PLPP3: variants seen among roughly 807,000 people sequenced by gnomAD.
PLPP3 encodes PAP2 beta.
In PLPP3, 6 loss-of-function variants were observed where a neutral mutation model predicts 29.6. That is an observed-to-expected ratio of 0.20 (90% CI 0.11 to 0.40). The LOEUF is 0.40. PLPP3 is among the 10% of genes least tolerant of loss of function. The pLI, the probability that PLPP3 is intolerant of heterozygous loss-of-function variation, is 1.00. For missense variants in PLPP3, 308 were observed against 407.7 expected (o/e 0.76, Z 2.11); for synonymous variants, 152 against 159.7 (o/e 0.95, Z 0.36).
At chr1:56,501,304 C>T (rs948102241) in intron 5 of PLPP3, among the ~76,000 whole-genome samples, 5 of 152,058 alleles carry the variant, frequency 3.3e-5, no homozygotes, top group Non-Finnish European at 7.4e-5. Context: ...CATAAAAACT[C>T]TTAAAATTTT....
chr1:56,542,218 G>C (rs577803775), intron 1 of PLPP3, among the ~76,000 whole-genome samples: 1 of 152,154 alleles, frequency 6.6e-6, no homozygotes, highest in South Asian at 2.1e-4. Flanking sequence ...ACTAACACTG[G>C]GGCAGGTTGG....
rs1162311607 is a variant in PLPP3, at chr1:56,579,027, G to T, written c.-11C>A. The stretch of plus-strand genomic sequence containing the variant: ...CTTGTAGTTTTGCATGGCGCTGGCT[G>T]CGGCGCGAGCCTCCCGCCCCGCGAA... On this transcript the variant is annotated 5_prime_UTR_variant, in exon 1 of 6. Coordinates refer to ENST00000371250, the MANE Select transcript of PLPP3 (RefSeq NM_003713.5). 1 of 1,584,692 alleles carries T rather than the reference G, an allele frequency of 6.3e-7. No individual in the cohort carries two copies. Among genetic ancestry groups the T allele is most frequent in the Non-Finnish European group, 8.6e-7 (1 of 1,168,860 alleles).
At chr1:56,553,509 A>C (rs1165903027) in intron 1 of PLPP3, among the ~76,000 whole-genome samples, 1 of 152,090 alleles carries the variant, frequency 6.6e-6, no homozygotes, top group African/African-American at 2.4e-5. Context: ...CAGCCATGAC[A>C]CCACACCAGG....
Position 56,524,255 on chromosome 1 carries a change from C to T in PLPP3, c.575+22G>A. The stretch of plus-strand genomic sequence containing the variant: ...TGTATGAAAGGGGTCCAGGCTCTGG[C>T]CATGCGGAGGTGGTGTCTCACCTGG... On this transcript the variant is annotated intron_variant, in intron 3 of 5. Transcript: ENST00000371250. This position sits in a 1 kb window ranked among gnomAD's most constrained non-coding sequence, Gnocchi z 4.3. 6.2e-7 allele frequency: 1 copy of T among 1,611,798 alleles called. No homozygotes were observed. The highest frequency in any genetic ancestry group is 2.2e-5 in the East Asian group (1 of 44,854).
rs776843470 is a variant in PLPP3 at position 56,538,959 on chromosome 1, C to CAAAAAAAAAACAAACAAAA, written c.140-1848_140-1847insTTTTGTTTGTTTTTTTTTT. The stretch of plus-strand genomic sequence containing the variant: ...AAATAAATACAAGACTTCTGGGCTG[C>CAAAAAAAAAACAAACAAAA]AAAAAAAAAAAACACAGTGGATAAT... On this transcript the variant is annotated intron_variant, in intron 1 of 5. Transcript: ENST00000371250. 6.2e-5 allele frequency: 6 copies of CAAAAAAAAAACAAACAAAA among 96,526 alleles called. No individual in the cohort carries two copies. In the East Asian group the frequency reaches 7.4e-4, roughly 12 times the overall value. 6.0% of individuals were successfully genotyped at this position (96,526 alleles called of 1,614,324 possible).
chr1:56,570,807 CT>C (rs1368846368), intron 1 of PLPP3, among the ~76,000 whole-genome samples: 3 of 150,382 alleles, frequency 2.0e-5, no homozygotes, highest in Admixed American at 6.6e-5. Flanking sequence ...TTTTTCTCCC[CT>C]GAGATACATC....
intron 4 of PLPP3, 85 bp downstream of exon 4, chr1:56,523,738 C>G: frequency 7.1e-7 from 1 of 1,408,636 alleles, no homozygotes; most frequent in Non-Finnish European, 1.0e-6. Flanking sequence ...TGATGGCATG[C>G]CCCTAAACTA....
At chr1:56,549,996 A>G (rs61772626) in intron 1 of PLPP3, among the ~76,000 whole-genome samples, 16,229 of 152,256 alleles carry the variant, frequency 0.11, 985 homozygotes, top group Middle Eastern at 0.15. Context: ...TACAAAGACT[A>G]GAAATGAAGA....
chr1:56,535,866 G>A (rs959164187), intron 2 of PLPP3, among the ~76,000 whole-genome samples: 1 of 152,124 alleles, frequency 6.6e-6, no homozygotes, highest in Non-Finnish European at 1.5e-5. Flanking sequence ...AGGCATTATG[G>A]CATTCATTTG....
chr1:56,506,851 C>T (rs757274855), intron 5 of PLPP3, among the ~76,000 whole-genome samples: 10 of 152,094 alleles, frequency 6.6e-5, no homozygotes, highest in East Asian at 1.9e-4. Context: ...GTTCTGAGTA[C>T]GATTGGGTCT....
At chr1:56,547,959 A>T (rs898995370) in intron 1 of PLPP3, among the ~76,000 whole-genome samples, 2 of 152,238 alleles carry the variant, frequency 1.3e-5, no homozygotes, top group African/African-American at 4.8e-5. Context: ...AGGATGAAAT[A>T]TCAGAAGGCA....
In PLPP3 at chr1:56,529,213, C is replaced by T. The variant is rs767677458; in HGVS notation, c.298-4659G>A. On this transcript the variant is annotated intron_variant, in intron 2 of 5. Coordinates refer to ENST00000371250, the MANE Select transcript of PLPP3 (RefSeq NM_003713.5). Reference sequence around the variant, plus strand: ...GAAGGCCAGAGAGGGCAGTGAATCACTCTGATAAAAATGAGACAGCAAGAA... The same window carrying T: ...GAAGGCCAGAGAGGGCAGTGAATCATTCTGATAAAAATGAGACAGCAAGAA... Among the ~76,000 whole-genome samples, 5 of 151,986 alleles carry T rather than the reference C, an allele frequency of 3.3e-5. No homozygotes were observed. The South Asian group carries it at 6.2e-4, about 19-fold the overall frequency.
intron 5 of PLPP3, among the ~76,000 whole-genome samples, chr1:56,505,675 A>G (rs1313855652): frequency 6.6e-6 from 1 of 152,142 alleles, no homozygotes; most frequent in Non-Finnish European, 1.5e-5. Context: ...TCTTTTCTCT[A>G]GCTTACTTTA....
intron 1 of PLPP3, among the ~76,000 whole-genome samples, chr1:56,548,471 A>C (rs970131406): frequency 1.3e-5 from 2 of 152,210 alleles, no homozygotes; most frequent in African/African-American, 4.8e-5. Context: ...ATGGCATTAC[A>C]AAATACCCAA....
In PLPP3 at chr1:56,557,040, G is replaced by GAAAGAAAGAAAGAA. The variant is rs1329774312; in HGVS notation, c.140-19929_140-19928insTTCTTTCTTTCTTT. On this transcript the variant is annotated intron_variant, in intron 1 of 5. Transcript: ENST00000371250. ...AGAGAGAGAGAAAGAGAGAGAGAGA[G>GAAAGAAAGAAAGAA]AGAGAGAGAGAGAGAGAGAAAGAAA... 1.5e-3 allele frequency among the ~76,000 whole-genome samples: 15 copies of GAAAGAAAGAAAGAA among 10,294 alleles called. 2 individuals are homozygous for GAAAGAAAGAAAGAA. Among genetic ancestry groups the GAAAGAAAGAAAGAA allele is most frequent in the African/African-American group, 1.6e-3 (9 of 5,578 alleles). 6.8% of individuals were successfully genotyped at this position (10,294 alleles called of 152,430 possible).
chr1:56,554,838 C>G (rs1404327557), intron 1 of PLPP3, among the ~76,000 whole-genome samples: 1 of 152,100 alleles, frequency 6.6e-6, no homozygotes. Flanking sequence ...TCTTAGCACT[C>G]CACATTGGTT....
At chr1:56,499,715 T>C (rs1266550172) in intron 5 of PLPP3, among the ~76,000 whole-genome samples, 3 of 152,210 alleles carry the variant, frequency 2.0e-5, no homozygotes, top group Admixed American at 1.3e-4. Flanking sequence ...ACACTTTTTT[T>C]TGGGATCACG....
In PLPP3 at chr1:56,524,481, G is replaced by A; in HGVS notation, c.371C>T (p.Ala124Val). The A allele has an allele frequency of 6.2e-7, 1 of 1,614,050 alleles. No individual in the cohort carries two copies. The highest frequency in any genetic ancestry group is 1.1e-5 in the South Asian group (1 of 91,088). ...SRSTIQNPYV[A>V]ALYKQVGCFL... ...GCAGCCCACTTGCTTATAGAGTGCT[G>A]CCACGTAGGGGTTCTGAATCGTCGA... The change falls in exon 3 of 6, where the codon GCA becomes GTA. Residue 124 changes from alanine (A) to valine (V), a missense_variant. Ala to Val is a moderately conservative substitution (Grantham distance 64). Transcript: ENST00000371250. The surrounding 1 kb of genome is among the most constrained non-coding windows in gnomAD (Gnocchi z 4.3).
chr1:56,496,983 G>A (rs1001757494), intron 5 of PLPP3, among the ~76,000 whole-genome samples: 1 of 152,094 alleles, frequency 6.6e-6, no homozygotes, highest in African/African-American at 2.4e-5. Context: ...CAAGGCAAAC[G>A]AATAGCAATG....
Sources: gnomAD v4.1 joint callset for allele counts (sites outside exome capture counted in the v4.1 genomes callset) on GRCh38, gnomAD v4.1.1 for gene constraint, Gnocchi (gnomAD v3.1) non-coding constraint, MANE v1.5 for transcripts, NCBI Gene and HGNC (gene_info 2026-07-23, HGNC 2026-07-21) for gene names.